Variants in PARD3 observed in about 807,000 individuals in gnomAD.
PARD3 encodes the protein par-3 family cell polarity regulator, also known as partitioning defective 3 homolog.
PARD3 carries 75 observed loss-of-function variants against 155.4 expected under a neutral mutation model. The ratio of observed to expected loss-of-function variants is 0.48; its 90% CI spans 0.40 to 0.58. The LOEUF (loss-of-function observed/expected upper bound fraction) is 0.58, where lower values mean the gene tolerates loss of function less well. PARD3 is among the 20% of genes least tolerant of loss of function. The pLI is 0.00. For synonymous variants in PARD3, 576 were observed against 610.5 expected (o/e 0.94, Z 0.83); for missense variants, 1,642 against 1,721.7 (o/e 0.95, Z 0.82).
intron 2 of PARD3, among the ~76,000 whole-genome samples, chr10:34,652,749 T>C (rs1325435992): frequency 6.6e-6 from 1 of 152,164 alleles, no homozygotes; most frequent in African/African-American, 2.4e-5. Flanking sequence ...GGCATGCATA[T>C]ACATTCTAGA....
At chr10:34,624,832 C>T (rs1035025266) in intron 2 of PARD3, among the ~76,000 whole-genome samples, 1 of 152,222 alleles carries the variant, frequency 6.6e-6, no homozygotes, top group Non-Finnish European at 1.5e-5. Flanking sequence ...TGCAGCAAGA[C>T]AAGGCCCCAG....
intron 22 of PARD3, among the ~76,000 whole-genome samples, chr10:34,263,167 GAGTAAA>G (rs1461973747): frequency 6.6e-6 from 1 of 152,202 alleles, no homozygotes; most frequent in Non-Finnish European, 1.5e-5. Flanking sequence ...GTTTTCCTGA[GAGTAAA>G]AGCCCATTTC....
chr10:34,476,035 A>G (rs2133138067), intron 3 of PARD3, among the ~76,000 whole-genome samples: 1 of 152,244 alleles, frequency 6.6e-6, no homozygotes. Flanking sequence ...CGAATGTAAC[A>G]CTAGCTACTG....
chr10:34,805,067 A>G (rs7081365), intron 1 of PARD3, among the ~76,000 whole-genome samples: 53,705 of 152,120 alleles, frequency 0.35, 10,628 homozygotes, highest in African/African-American at 0.55. Context: ...CAATCAACAA[A>G]AAGGGAAAGG....
intron 5 of PARD3, among the ~76,000 whole-genome samples, chr10:34,448,988 G>A (rs112164721): frequency 1.4e-5 from 2 of 146,612 alleles, no homozygotes; most frequent in African/African-American, 2.6e-5. Context: ...GCGTGATCTC[G>A]GCTCACTGCA....
At chr10:34,193,127 A>G (rs938112907) in intron 22 of PARD3, among the ~76,000 whole-genome samples, 2 of 152,218 alleles carry the variant, frequency 1.3e-5, no homozygotes, top group African/African-American at 4.8e-5. Context: ...ATCTAATTTG[A>G]ATTTAAACAT....
intron 2 of PARD3, among the ~76,000 whole-genome samples, chr10:34,580,813 C>T (rs997631814): frequency 6.6e-6 from 1 of 152,150 alleles, no homozygotes; most frequent in Non-Finnish European, 1.5e-5. Context: ...TATTATTCAC[C>T]ACAACTTCCA....
chr10:34,639,866 A>ACACACACAC (rs1324435468), intron 2 of PARD3, among the ~76,000 whole-genome samples: 2 of 152,218 alleles, frequency 1.3e-5, no homozygotes, highest in South Asian at 4.2e-4. Context: ...ACACACACAC[A>ACACACACAC]CACACACACC....
chr10:34,689,732 G>A (rs1374814214), intron 2 of PARD3, among the ~76,000 whole-genome samples: 7 of 151,948 alleles, frequency 4.6e-5, no homozygotes, highest in South Asian at 2.1e-4. Context: ...AATCTAAAAC[G>A]TCGTTTACTA....
intron 2 of PARD3, among the ~76,000 whole-genome samples, chr10:34,575,767 G>A (rs1021725073): frequency 2.0e-5 from 3 of 152,166 alleles, no homozygotes; most frequent in South Asian, 2.1e-4. Context: ...ATGGTGGCGG[G>A]TGCCTGTAAT....
chr10:34,343,357 A>G (rs1837036306), intron 15 of PARD3: 4 of 982,246 alleles, frequency 4.1e-6, no homozygotes, highest in Non-Finnish European at 4.8e-6. Flanking sequence ...TGGCCTAACA[A>G]AGCAATATGA....
chr10:34,469,985 G>T, intron 4 of PARD3, 100 bp downstream of exon 4: 1 of 899,670 alleles, frequency 1.1e-6, no homozygotes, highest in Non-Finnish European at 1.7e-6. Context: ...TCATGAAGAT[G>T]CCCTGGAATC....
chr10:34,308,825 A>G (rs902854451), intron 20 of PARD3, among the ~76,000 whole-genome samples: 3 of 151,866 alleles, frequency 2.0e-5, no homozygotes, highest in Admixed American at 1.3e-4. Context: ...AGAGAAAACA[A>G]AAGGACTTCG....
chr10:34,688,424 C>T (rs148176768), intron 2 of PARD3, among the ~76,000 whole-genome samples: 21 of 152,298 alleles, frequency 1.4e-4, no homozygotes, highest in South Asian at 8.3e-4. Context: ...CGTACACAAA[C>T]GCATGACAGC....
chr10:34,503,547 C>G (rs1298387870), intron 3 of PARD3, among the ~76,000 whole-genome samples: 1 of 152,110 alleles, frequency 6.6e-6, no homozygotes, highest in East Asian at 1.9e-4. Flanking sequence ...TTTGTATATA[C>G]AGACATTACA....
At chr10:34,349,757 G>A (rs960945058) in intron 14 of PARD3, among the ~76,000 whole-genome samples, 2 of 151,934 alleles carry the variant, frequency 1.3e-5, no homozygotes, top group African/African-American at 4.8e-5. Context: ...TCAAAAGACA[G>A]ACAACATATC....
chr10:34,750,759 G>T (rs138680373), intron 1 of PARD3, among the ~76,000 whole-genome samples: 1 of 150,168 alleles, frequency 6.7e-6, no homozygotes, highest in East Asian at 2.0e-4. Context: ...CACGATCTTG[G>T]CTCATTGCAA....
intron 22 of PARD3, among the ~76,000 whole-genome samples, chr10:34,220,072 T>C (rs1193279575): frequency 6.6e-6 from 1 of 152,184 alleles, no homozygotes; most frequent in African/African-American, 2.4e-5. Flanking sequence ...AGGTTAAAAG[T>C]GAACAGTAAA....
At chr10:34,798,199 T>C (rs928319752) in intron 1 of PARD3, among the ~76,000 whole-genome samples, 12 of 152,006 alleles carry the variant, frequency 7.9e-5, no homozygotes, top group African/African-American at 2.4e-4. Context: ...CATGGTAGCA[T>C]GTACCTGTAG....
Sources: gnomAD v4.1 joint callset for allele counts (sites outside exome capture counted in the v4.1 genomes callset) on GRCh38, gnomAD v4.1.1 for gene constraint, MANE v1.5 for transcripts, NCBI Gene and HGNC (gene_info 2026-07-23, HGNC 2026-07-21) for gene names.